The following ADCY5 variants were observed in gnomAD, a reference collection of about 807,000 sequenced individuals.
The protein encoded by ADCY5 is adenylate cyclase type 5.
A neutral mutation model predicts 119.7 loss-of-function variants in ADCY5; 30 were observed. That is an observed-to-expected ratio of 0.25 (90% CI 0.19 to 0.34). The LOEUF is 0.34. Ranked by LOEUF, ADCY5 falls within the 10% of genes least tolerant of loss-of-function variation. The pLI is 1.00. For missense variants in ADCY5, 1,324 were observed against 1,775.2 expected, an observed-to-expected ratio of 0.75 and a Z score of 4.57; for synonymous variants, 753 against 762.2, an observed-to-expected ratio of 0.99 and a Z score of 0.20.
chr3:123,318,040 G>A lies in ADCY5; in HGVS notation c.2334C>T (p.Val778=). The A allele has an allele frequency of 1.9e-6, 3 of 1,613,822 alleles. No individual in the cohort carries two copies. The highest frequency in any genetic ancestry group is 4.5e-5 in the East Asian group (2 of 44,848). Residue 778 remains valine, a synonymous_variant, in exon 11 of 21, where the codon GTC becomes GTT. Transcript: ENST00000462833. ...CTCACTGGGGCACGATGGTGATCTG[G>A]ACAAAGCAGATGAAGAGGAAGACGA... ...ASLVFLFICF[V]QITIVPHSIF... is the part of the protein sequence containing the mutation.
chr3:123,332,724 T>TA (rs1261886979), intron 3 of ADCY5, 49 bp from the exon 4 acceptor site: 6 of 1,253,764 alleles, frequency 4.8e-6, no homozygotes, highest in Non-Finnish European at 7.0e-6. Context: ...TGAATCTTTG[T>TA]GTCTCCCAAA....
At chr3:123,339,908 G>T (rs182043385) in intron 3 of ADCY5, among the ~76,000 whole-genome samples, 1 of 152,296 alleles carries the variant, frequency 6.6e-6, no homozygotes, top group Admixed American at 6.5e-5. Flanking sequence ...GTGACCTCAG[G>T]GGGGAGTCTA....
At chr3:123,327,241 T>C (rs1011337293) in intron 7 of ADCY5, among the ~76,000 whole-genome samples, 1 of 152,098 alleles carries the variant, frequency 6.6e-6, no homozygotes, top group Non-Finnish European at 1.5e-5. Flanking sequence ...CACCGATCTA[T>C]GGATCAGAGA....
intron 1 of ADCY5, chr3:123,367,993 G>C: frequency 6.6e-7 from 1 of 1,509,412 alleles, no homozygotes; most frequent in Admixed American, 2.3e-5. Flanking sequence ...TGCCCTGTGG[G>C]GATGGAGGGG....
intron 3 of ADCY5, among the ~76,000 whole-genome samples, chr3:123,344,295 A>T (rs1309157677): frequency 1.3e-5 from 2 of 152,184 alleles, no homozygotes; most frequent in East Asian, 3.8e-4. Context: ...CAGAGAATTG[A>T]TGAATGTGAC....
chr3:123,413,688 C>T (rs1945115633), intron 1 of ADCY5, among the ~76,000 whole-genome samples: 1 of 152,218 alleles, frequency 6.6e-6, no homozygotes, highest in Non-Finnish European at 1.5e-5. Flanking sequence ...TAACCTAAAT[C>T]CCTCAGGCTA....
rs1938784321 is a variant in ADCY5 at position 123,286,625 on chromosome 3, C to G, written c.3657+60G>C. 1 of 1,526,672 alleles carries G rather than the reference C, an allele frequency of 6.6e-7. No homozygotes were observed. The highest frequency in any genetic ancestry group is 1.4e-5 in the African/African-American group (1 of 71,844). 94.6% of individuals were successfully genotyped at this position (1,526,672 alleles called of 1,614,324 possible). ...TGTAGGTGGCCTGCCCTGAAGACCTCTCGGTGTCAGACACAGGACCTCCCA... is the reference window on the plus strand; with the variant it reads ...TGTAGGTGGCCTGCCCTGAAGACCTGTCGGTGTCAGACACAGGACCTCCCA... On this transcript the variant is annotated intron_variant, in intron 20 of 20. Coordinates refer to ENST00000462833, the MANE Select transcript of ADCY5 (RefSeq NM_183357.3). The surrounding 1 kb of genome is among the most constrained non-coding windows in gnomAD (Gnocchi z 4.2).
In ADCY5 at chr3:123,286,679, A is replaced by C. The variant is rs746530195; in HGVS notation, c.3657+6T>G. 1.9e-6 allele frequency: 3 copies of C among 1,605,978 alleles called. No homozygotes were observed. The highest frequency in any genetic ancestry group is 4.5e-5 in the East Asian group (2 of 44,760). On this transcript the variant is annotated splice_donor_region_variant and intron_variant, in intron 20 of 20. Transcript: ENST00000462833. The surrounding 1 kb of genome is among the most constrained non-coding windows in gnomAD (Gnocchi z 4.2). Reference sequence around the variant, plus strand: ...GGTGAGGGGTGGTGGATGCTCCTGCACTCACCTGGATGCGGTCGGGTACAC... The same window carrying C: ...GGTGAGGGGTGGTGGATGCTCCTGCCCTCACCTGGATGCGGTCGGGTACAC...
intron 4 of ADCY5, 50 bp from the exon 5 acceptor site, chr3:123,331,066 G>A: frequency 1.9e-6 from 3 of 1,568,780 alleles, no homozygotes; most frequent in East Asian, 2.3e-5. Flanking sequence ...AAAGAGAAGT[G>A]GGAGGGAAAG....
At chr3:123,289,681 T>TG (rs1939016449) in intron 19 of ADCY5, 69 bp downstream of exon 19, 9 of 1,561,428 alleles carry the variant, frequency 5.8e-6, no homozygotes, top group Non-Finnish European at 7.9e-6. Flanking sequence ...GTATGGGGTA[T>TG]GGGGGAGCCC....
At chr3:123,430,788 G>A (rs1306845896) in intron 1 of ADCY5, among the ~76,000 whole-genome samples, 1 of 152,174 alleles carries the variant, frequency 6.6e-6, no homozygotes, top group African/African-American at 2.4e-5. Flanking sequence ...CCCCACAGCT[G>A]GTGCTTGCCA....
At chr3:123,404,917 C>T (rs548143329) in intron 1 of ADCY5, among the ~76,000 whole-genome samples, 77 of 152,336 alleles carry the variant, frequency 5.1e-4, no homozygotes, top group African/African-American at 1.8e-3. Flanking sequence ...TCAACTGGCT[C>T]TGAAAAAGAG....
Position 123,358,154 on chromosome 3 carries a change from A to ATGTGTGTG in ADCY5, c.1135-5574_1135-5573insCACACACA, listed in dbSNP as rs1559834360. ...CGGGACACATCTAACCACATGGAAC[A>ATGTGTGTG]CGTGTGTGTGTGTGTGTGTGTGTGT... On this transcript the variant is annotated intron_variant, in intron 1 of 20. Coordinates refer to ENST00000462833, the MANE Select transcript of ADCY5 (RefSeq NM_183357.3). Among the ~76,000 whole-genome samples, 63 of 81,236 alleles carry ATGTGTGTG rather than the reference A, an allele frequency of 7.8e-4. No homozygotes were observed. In the East Asian group the frequency reaches 0.041, roughly 53 times the overall value. 53.3% of individuals were successfully genotyped at this position (81,236 alleles called of 152,430 possible).
At chr3:123,420,571 T>C (rs1945284143) in intron 1 of ADCY5, among the ~76,000 whole-genome samples, 1 of 152,184 alleles carries the variant, frequency 6.6e-6, no homozygotes, top group Non-Finnish European at 1.5e-5. Flanking sequence ...GCCAAGAGCC[T>C]GGACCATCTG....
chr3:123,346,670 A>C (rs1477025558), intron 3 of ADCY5, among the ~76,000 whole-genome samples: 1 of 135,496 alleles, frequency 7.4e-6, no homozygotes, highest in Admixed American at 7.3e-5. Context: ...TGTGTGAGAG[A>C]GAGAGATAAT....
At chr3:123,447,214 C>T (rs1423299404) in intron 1 of ADCY5, among the ~76,000 whole-genome samples, 198 bp downstream of exon 1, 1 of 152,222 alleles carries the variant, frequency 6.6e-6, no homozygotes, top group Non-Finnish European at 1.5e-5. Flanking sequence ...GCAAACGACA[C>T]AAGGGCACTC....
In ADCY5 at chr3:123,337,230, T is replaced by C. The variant is rs2108435397; in HGVS notation, c.1407-4555A>G. 2.0e-5 allele frequency among the ~76,000 whole-genome samples: 3 copies of C among 152,250 alleles called. No individual in the cohort carries two copies. In the South Asian group the frequency reaches 6.2e-4, roughly 32 times the overall value. The stretch of plus-strand genomic sequence containing the variant: ...AATGTAAACTCTTTGAGGGAGAGAT[T>C]TTATCTACTTGATTCACGGCTACGA... On this transcript the variant is annotated intron_variant, in intron 3 of 20. Transcript: ENST00000462833.
intron 1 of ADCY5, among the ~76,000 whole-genome samples, chr3:123,367,210 G>A (rs908621463): frequency 2.6e-5 from 4 of 152,290 alleles, no homozygotes; most frequent in African/African-American, 7.2e-5. Flanking sequence ...CGGACCAGGC[G>A]TGGGAATCAC....
At chr3:123,446,036 G>A (rs555362823) in intron 1 of ADCY5, among the ~76,000 whole-genome samples, 4 of 152,280 alleles carry the variant, frequency 2.6e-5, no homozygotes, top group South Asian at 2.1e-4. Context: ...GGCAGAGGAC[G>A]TTAGAAGTGG....
Sources: allele counts gnomAD v4.1 joint callset (sites outside exome capture counted in the v4.1 genomes callset), GRCh38; gene constraint gnomAD v4.1.1; non-coding constraint Gnocchi (gnomAD v3.1); transcripts MANE v1.5; gene names NCBI Gene and HGNC (gene_info 2026-07-23, HGNC 2026-07-21).